The following RNF213 variants were observed in gnomAD, a reference collection of about 807,000 sequenced individuals.
The protein encoded by RNF213 is E3 ubiquitin-protein ligase RNF213.
RNF213 carries 341 observed loss-of-function variants against 514.4 expected under a neutral mutation model. The ratio of observed to expected loss-of-function variants is 0.66; its 90% confidence interval spans 0.61 to 0.73. The LOEUF (loss-of-function observed/expected upper bound fraction) is 0.73. Among genes scored for constraint, RNF213 ranks in the 30% least tolerant of loss-of-function variants. The pLI is 0.00. For missense variants in RNF213, 5,767 were observed against 6,615.6 expected (o/e 0.87, Z 4.45); for synonymous variants, 2,655 against 2,658.2 (o/e 1.00, Z 0.04).
chr17:80,347,948 C>T lies in RNF213; in HGVS notation c.9613C>T (p.His3205Tyr), dbSNP rs765811044. ...GAAGTTCATCAATGTCAAAGCACAT[C>T]ATTTCCAGAAGAGGCACAAATACAG... The part of the protein sequence containing the change: ...VEKFINVKAH[H>Y]FQKRHKYSPS... The change falls in exon 29 of 68, where the codon CAT becomes TAT. Residue 3205 changes from histidine to tyrosine, a missense_variant. By Grantham distance (83) the His-to-Tyr change is moderately conservative. Around this residue, in one of 13 missense-constraint regions of RNF213, gnomAD observed 919 missense variants for 1,121.0 expected, o/e 0.82. Transcript: ENST00000582970. The surrounding 1 kb of genome is among the most constrained non-coding windows in gnomAD (Gnocchi z 7.2). The T allele has an allele frequency of 7.4e-6, 12 of 1,613,960 alleles. No homozygotes were observed. In the South Asian group the frequency reaches 1.3e-4, roughly 18 times the overall value.
At chr17:80,307,030 C>A in intron 12 of RNF213, 98 bp from the exon 13 acceptor site, 1 of 1,138,588 alleles carries the variant, frequency 8.8e-7, no homozygotes, top group Non-Finnish European at 1.3e-6. Flanking sequence ...ACAATGTATA[C>A]CATATTGATG....
chr17:80,363,337 C>G (rs1300183677), intron 40 of RNF213, 23 bp downstream of exon 40: 1 of 1,606,420 alleles, frequency 6.2e-7, no homozygotes, highest in South Asian at 1.1e-5. Flanking sequence ...TCCGCCTGCC[C>G]TGAGCAAGCC....
At position 80,305,222 on chromosome 17, in the gene RNF213, A is replaced by G. The variant is rs560775537; in HGVS notation, c.2211-1030A>G. Among the ~76,000 whole-genome samples, 3 of 129,140 alleles carry G rather than the reference A, an allele frequency of 2.3e-5. No individual in the cohort carries two copies. The South Asian group carries it at 6.9e-4, about 30-fold the overall frequency. 84.7% of individuals were successfully genotyped at this position (129,140 alleles called of 152,430 possible). ...TGAGACAGTTTTGGTCTCATTGCCTATGCTGGAGTACAATGGCACGATCTT... is the reference window on the plus strand; with the variant it reads ...TGAGACAGTTTTGGTCTCATTGCCTGTGCTGGAGTACAATGGCACGATCTT... On this transcript the variant is annotated intron_variant, in intron 11 of 67. Transcript: ENST00000582970.
chr17:80,334,003 T>C, intron 21 of RNF213, 102 bp from the exon 22 acceptor site: 2 of 1,356,044 alleles, frequency 1.5e-6, no homozygotes, highest in East Asian at 2.5e-5. Flanking sequence ...AATCTAGGCA[T>C]TGAGGGAGGG....
At chr17:80,291,294 G>GTTTTTTTTTTTTTT (rs2044720531) in intron 7 of RNF213, among the ~76,000 whole-genome samples, 1 of 135,674 alleles carries the variant, frequency 7.4e-6, no homozygotes, top group African/African-American at 2.9e-5. Context: ...AGGGGATCTT[G>GTTTTTTTTTTTTTT]CTCTGTTGCC....
rs776777089 is a variant in RNF213, at chr17:80,364,438, A to C, written c.11756A>C (p.Gln3919Pro). The C allele has an allele frequency of 5.0e-6, 8 of 1,614,126 alleles. No homozygotes were observed. The South Asian group carries it at 6.6e-5, about 13-fold the overall frequency. Residue 3919 changes from glutamine (Q) to proline (P), a missense_variant, in exon 42 of 68, where the codon CAG becomes CCG. Physicochemically the swap from Gln to Pro is moderately conservative, Grantham distance 76. This residue lies in a region of RNF213 where 355 missense variants were observed against 358.0 expected (regional missense o/e 0.99). Transcript: ENST00000582970. ...AQAVIREVRAQWSRIFSTALF... is the reference protein window; with the variant it reads ...AQAVIREVRAPWSRIFSTALF... ...GTGGCGCCCTCTTTTGACAGAGCCC[A>C]GTGGAGTCGGATTTTCTCCACCGCA...
At chr17:80,290,988 T>C (rs948706412) in intron 7 of RNF213, among the ~76,000 whole-genome samples, 3 of 152,050 alleles carry the variant, frequency 2.0e-5, no homozygotes, top group African/African-American at 7.2e-5. Flanking sequence ...TTTGTATTTT[T>C]AGTAGAGACG....
At chr17:80,297,449 CAAAAA>C (rs763957997) in intron 10 of RNF213, among the ~76,000 whole-genome samples, 1 of 123,624 alleles carries the variant, frequency 8.1e-6, no homozygotes, top group East Asian at 2.3e-4. Flanking sequence ...GACTTCATCT[CAAAAA>C]AAAAAAAAAG....
chr17:80,302,484 C>T (rs976399984), intron 11 of RNF213, among the ~76,000 whole-genome samples: 1 of 152,132 alleles, frequency 6.6e-6, no homozygotes, highest in East Asian at 1.9e-4. Context: ...CATTTGTATA[C>T]ATTATGTATT....
chr17:80,304,002 C>T (rs1303350555), intron 11 of RNF213, among the ~76,000 whole-genome samples: 1 of 149,722 alleles, frequency 6.7e-6, no homozygotes, highest in African/African-American at 2.5e-5. Flanking sequence ...ATAGTCAGAC[C>T]CATGGATGGT....
intron 22 of RNF213, 127 bp downstream of exon 22, chr17:80,334,397 G>A (rs772316376): frequency 3.9e-5 from 39 of 1,006,306 alleles, no homozygotes; most frequent in African/African-American, 6.5e-5. Flanking sequence ...GCAGAAAGAC[G>A]TTGCCTGCAT....
chr17:80,370,281 A>G (rs761295414), intron 46 of RNF213, among the ~76,000 whole-genome samples: 11 of 152,140 alleles, frequency 7.2e-5, no homozygotes, highest in Non-Finnish European at 1.3e-4. Context: ...CATGGGCTCT[A>G]TTTCCTTGGA....
rs75304542 is a variant in RNF213 at position 80,328,008 on chromosome 17, C to A, written c.3367+19C>A. On this transcript the variant is annotated intron_variant, in intron 19 of 67. Coordinates refer to ENST00000582970, the MANE Select transcript of RNF213 (RefSeq NM_001256071.3). Reference sequence around the variant, plus strand: ...CAACTGAGTAAGCATCGAGTCGATACGCACTTCAGGCTCCTGAGGCATTAA... The same window carrying A: ...CAACTGAGTAAGCATCGAGTCGATAAGCACTTCAGGCTCCTGAGGCATTAA... 29 of 1,536,968 alleles carry A rather than the reference C, an allele frequency of 1.9e-5. No homozygotes were observed. The African/African-American group carries it at 2.7e-4, about 14-fold the overall frequency.
chr17:80,269,275 C>A (rs2043717824), intron 2 of RNF213, among the ~76,000 whole-genome samples: 2 of 152,162 alleles, frequency 1.3e-5, no homozygotes, highest in African/African-American at 4.8e-5. Flanking sequence ...CAATACTTTA[C>A]CAACTACCTA....
In RNF213 at chr17:80,397,429, C is replaced by G. The variant is rs1286816696; in HGVS notation, c.*3931C>G. 6.6e-6 allele frequency: 1 copy of G among 152,132 alleles called. No homozygotes were observed. The highest frequency in any genetic ancestry group is 2.4e-5 in the African/African-American group (1 of 41,418). 9.4% of individuals were successfully genotyped at this position (152,132 alleles called of 1,614,324 possible). ...AGAAATGAAATCCACAAGCAGACAG[C>G]CTGCACCACACCCTGGGCCTGGTAG... On this transcript the variant is annotated 3_prime_UTR_variant, in exon 68 of 68. Coordinates refer to ENST00000582970, the MANE Select transcript of RNF213 (RefSeq NM_001256071.3).
At chr17:80,342,600 A>G (rs888030469) in intron 26 of RNF213, among the ~76,000 whole-genome samples, 3 of 147,844 alleles carry the variant, frequency 2.0e-5, no homozygotes, top group Non-Finnish European at 4.5e-5. Context: ...CATACACTAT[A>G]TATATTCGAT....
chr17:80,307,191 T>TA lies in RNF213; in HGVS notation c.2492dup (p.Tyr831Ter), dbSNP rs764090790. The change falls in exon 13 of 68, where the codon TAC becomes TAAC. Residue 831 changes from tyrosine (Y) to a stop codon, truncating the protein, a stop_gained and frameshift_variant. Transcript: ENST00000582970. LOFTEE classifies it high-confidence loss of function. Reference sequence around the variant, plus strand: ...AATGCTGTTGCGACTCCTGGACACTTACCGGGACAAGTAAGTGGAAAGCAC... The same window carrying TA: ...AATGCTGTTGCGACTCCTGGACACTTAACCGGGACAAGTAAGTGGAAAGCAC... ...LEMLLRLLDT[Y>*]RDKIPEEALS... is the part of the protein sequence containing the mutation. The TA allele has an allele frequency of 6.2e-7, 1 of 1,613,802 alleles. No homozygotes were observed. The highest frequency in any genetic ancestry group is 8.5e-7 in the Non-Finnish European group (1 of 1,179,826).
intron 11 of RNF213, among the ~76,000 whole-genome samples, chr17:80,301,528 A>G (rs1240260043): frequency 6.6e-6 from 1 of 152,342 alleles, no homozygotes; most frequent in East Asian, 1.9e-4. Flanking sequence ...ACAAATAACC[A>G]ACAGGCATAT....
chr17:80,388,638 C>G lies in RNF213; in HGVS notation c.14949C>G (p.His4983Gln), dbSNP rs750379106. The change falls in exon 64 of 68, where the codon CAC becomes CAG. Residue 4983 changes from histidine to glutamine, a missense_variant. By Grantham distance (24) the His-to-Gln change is conservative. Transcript: ENST00000582970. The part of the protein sequence containing the change: ...LKGIPTLVYR[H>Q]DWNYEHLFMD... The stretch of plus-strand genomic sequence containing the variant: ...GAATACCCACTCTGGTGTACAGACA[C>G]GACTGGAACTATGAACATCTCTTTA... 1.2e-6 allele frequency: 2 copies of G among 1,612,488 alleles called. No homozygotes were observed. Among genetic ancestry groups the G allele is most frequent in the Non-Finnish European group, 1.7e-6 (2 of 1,178,946 alleles).
Sources: allele counts gnomAD v4.1 joint callset (sites outside exome capture counted in the v4.1 genomes callset), GRCh38; gene constraint gnomAD v4.1.1; regional missense constraint gnomAD v4.1.1; non-coding constraint Gnocchi (gnomAD v3.1); transcripts MANE v1.5; gene names NCBI Gene and HGNC (gene_info 2026-07-23, HGNC 2026-07-21).